OSBPL5: variants seen among roughly 807,000 people sequenced by gnomAD.
OSBPL5 encodes oxysterol binding protein like 5.
In OSBPL5, 71 loss-of-function variants were observed where a neutral mutation model predicts 111.2. That is an observed-to-expected ratio of 0.64 (90% CI 0.53 to 0.78). OSBPL5 has a LOEUF of 0.78. OSBPL5 is among the 30% of genes least tolerant of loss of function. OSBPL5 has a pLI of 0.00. For synonymous variants in OSBPL5, 549 were observed against 513.9 expected, an observed-to-expected ratio of 1.07 and a Z score of -0.93; for missense variants, 1,210 against 1,189.3, an observed-to-expected ratio of 1.02 and a Z score of -0.26.
In OSBPL5 at chr11:3,128,993, T is replaced by G; in HGVS notation, c.136+20A>C. The G allele has an allele frequency of 6.6e-7, 1 of 1,511,002 alleles. No individual in the cohort carries two copies. Among genetic ancestry groups the G allele is most frequent in the Non-Finnish European group, 8.9e-7 (1 of 1,129,222 alleles). The allele number at this position is 1,511,002 out of a possible 1,614,324, so 93.6% of individuals were successfully genotyped here. ...GCCCAAGCTGAGGGCCAGGTTGCCC[T>G]GCCCACGGCCGGCACTTACCTGGGC... On this transcript the variant is annotated intron_variant, in intron 2 of 21. Transcript: ENST00000263650.
At chr11:3,131,537 ATC>A (rs1858835710) in intron 1 of OSBPL5, among the ~76,000 whole-genome samples, 1 of 138,606 alleles carries the variant, frequency 7.2e-6, no homozygotes, top group Non-Finnish European at 1.6e-5. Context: ...TCATCCATCC[ATC>A]CATCCATCCA....
intron 10 of OSBPL5, among the ~76,000 whole-genome samples, chr11:3,103,874 GCCTCTGTAGCCCCATTCCTGCCTC>G (rs1857596408): frequency 2.1e-5 from 1 of 48,568 alleles, no homozygotes; most frequent in Admixed American, 2.5e-4. Flanking sequence ...CCCCCTTCCT[GCCTCTGTAGCCCCATTCCTGCCTC>G]TGCAGCCCCC....
At chr11:3,090,803 C>T (rs1475066172) in intron 19 of OSBPL5, 107 bp from the exon 20 acceptor site, 19 of 1,408,220 alleles carry the variant, frequency 1.3e-5, no homozygotes, top group Non-Finnish European at 1.6e-5. Flanking sequence ...AGGTGGCAGC[C>T]AGCAGGGAGG....
rs529670039 is a variant in OSBPL5, at chr11:3,102,202, G to T, written c.1406C>A (p.Thr469Lys). Reference protein sequence around the residue: ...CWFHPQTDSRTFYIAEQVSHH... With the variant: ...CWFHPQTDSRKFYIAEQVSHH... ...TCTTGCCTGCTCTGCTATGTAGAAT[G>T]TGCGGCTGTCAGTCTGCGGGTGGAA... The change falls in exon 12 of 22, where the codon ACA becomes AAA. Residue 469 changes from threonine to lysine, a missense_variant. Physicochemically the swap from Thr to Lys is moderately conservative, Grantham distance 78. Coordinates refer to ENST00000263650, the MANE Select transcript of OSBPL5 (RefSeq NM_020896.4). The T allele has an allele frequency of 6.2e-7, 1 of 1,606,756 alleles. No individual in the cohort carries two copies. Among genetic ancestry groups the T allele is most frequent in the East Asian group, 2.2e-5 (1 of 44,584 alleles).
At chr11:3,134,739 C>T (rs1317869343) in intron 1 of OSBPL5, among the ~76,000 whole-genome samples, 1 of 152,060 alleles carries the variant, frequency 6.6e-6, no homozygotes, top group Non-Finnish European at 1.5e-5. Flanking sequence ...GCCGGGGAGC[C>T]CACAGGGGCT....
intron 12 of OSBPL5, 53 bp from the exon 13 acceptor site, chr11:3,101,752 G>A: frequency 6.8e-7 from 1 of 1,467,180 alleles, no homozygotes; most frequent in South Asian, 1.1e-5. Context: ...GTAATCCCAG[G>A]AAGCGAGAGC....
rs980191842 is a variant in OSBPL5 at position 3,107,980 on chromosome 11, C to A, written c.692-35G>T. On this transcript the variant is annotated intron_variant, in intron 7 of 21. Transcript: ENST00000263650. The surrounding 1 kb of genome is among the most constrained non-coding windows in gnomAD (Gnocchi z 6.1). ...ACACGGGATGAGCATGCCCCACCCC[C>A]ACCTCTGTATATCCCGCATCCCCCA... The A allele has an allele frequency of 3.6e-6, 4 of 1,101,004 alleles. No homozygotes were observed. In the East Asian group the frequency reaches 6.8e-5, roughly 19 times the overall value. The allele number at this position is 1,101,004 out of a possible 1,614,324, so 68.2% of individuals were successfully genotyped here. A position where few individuals can be genotyped will look rare whatever the true frequency, so the allele number is the denominator to read the frequency against.
intron 7 of OSBPL5, among the ~76,000 whole-genome samples, chr11:3,112,084 T>TGTGTGTGTGC (rs1554898337): frequency 8.1e-6 from 1 of 123,452 alleles, no homozygotes; most frequent in South Asian, 3.0e-4. Context: ...CATGTGTGTG[T>TGTGTGTGTGC]GCATGTGTGT....
Position 3,088,158 on chromosome 11 carries a change from TG to T in OSBPL5, c.*46del. 1 of 1,485,806 alleles carries T rather than the reference TG, an allele frequency of 6.7e-7. No individual in the cohort carries two copies. Among genetic ancestry groups the T allele is most frequent in the Non-Finnish European group, 9.0e-7 (1 of 1,111,354 alleles). 92.0% of individuals were successfully genotyped at this position (1,485,806 alleles called of 1,614,324 possible). On this transcript the variant is annotated 3_prime_UTR_variant, in exon 22 of 22. Transcript: ENST00000263650. The stretch of plus-strand genomic sequence containing the variant: ...GAGCAGGCTTAAAGTGCTGGGTGCC[TG>T]GGAGGGAGGGCTCAGGACCGGCCAG...
In OSBPL5 at chr11:3,088,117, C is replaced by T; in HGVS notation, c.*88G>A. 3 of 1,275,462 alleles carry T rather than the reference C, an allele frequency of 2.4e-6. No homozygotes were observed. Among genetic ancestry groups the T allele is most frequent in the Non-Finnish European group, 3.1e-6 (3 of 960,476 alleles). 79.0% of individuals were successfully genotyped at this position (1,275,462 alleles called of 1,614,324 possible). A position where few individuals can be genotyped will look rare whatever the true frequency, so the allele number is the denominator to read the frequency against. The stretch of plus-strand genomic sequence containing the variant: ...CGTCACAGTGGCTGTGCTTGCCGGG[C>T]CTCTCTGCCTCCATGGAGCAGGCTT... On this transcript the variant is annotated 3_prime_UTR_variant, in exon 22 of 22. Transcript: ENST00000263650.
chr11:3,147,171 G>T (rs1371366100), intron 1 of OSBPL5, among the ~76,000 whole-genome samples: 1 of 152,260 alleles, frequency 6.6e-6, no homozygotes, highest in Non-Finnish European at 1.5e-5. Context: ...CCTCTGTGAG[G>T]CCTGAGTGCT....
chr11:3,101,074 A>T (rs1370953659), intron 13 of OSBPL5, among the ~76,000 whole-genome samples: 1 of 150,170 alleles, frequency 6.7e-6, no homozygotes, highest in Non-Finnish European at 1.5e-5. Flanking sequence ...TCCCGGGTTC[A>T]AGCGATTCTC....
In OSBPL5 at chr11:3,122,199, G is replaced by GAGAGGAAGTA; in HGVS notation, c.301-111_301-102dup. 9 of 1,372,520 alleles carry GAGAGGAAGTA rather than the reference G, an allele frequency of 6.6e-6. No homozygotes were observed. In the South Asian group the frequency reaches 7.6e-5, roughly 12 times the overall value. 85.0% of individuals were successfully genotyped at this position (1,372,520 alleles called of 1,614,324 possible). On this transcript the variant is annotated intron_variant, in intron 4 of 21. Transcript: ENST00000263650. Reference sequence around the variant, plus strand: ...GGGATGGGTCCAGGGGCAGGGGCAGGAGAGGAAGTAGGAGGAAGTAGGGGG... The same window carrying GAGAGGAAGTA: ...GGGATGGGTCCAGGGGCAGGGGCAGGAGAGGAAGTAAGAGGAAGTAGGAGGAAGTAGGGGG...
chr11:3,150,300 GCTT>G (rs1846537023), intron 1 of OSBPL5, among the ~76,000 whole-genome samples: 2 of 152,042 alleles, frequency 1.3e-5, no homozygotes, highest in African/African-American at 4.8e-5. Flanking sequence ...TTTAAAGACA[GCTT>G]TTTTTAAAAA....
rs1856936766 is a variant in OSBPL5, at chr11:3,088,205, C to T, written c.2640G>A (p.Ter880=). ...GCCAGGAGCTCTGCCCTCAGGGCTC[C>T]TATTTGAGGATGTGGTTAATGAACA... ...CQLFINHILK[*] Residue 880 remains the stop codon, a stop_retained_variant, in exon 22 of 22, where the codon TAG becomes TAA. Transcript: ENST00000263650. The T allele has an allele frequency of 1.3e-6, 2 of 1,582,706 alleles. No homozygotes were observed. The highest frequency in any genetic ancestry group is 1.2e-5 in the South Asian group (1 of 86,536).
At position 3,104,521 on chromosome 11, in the gene OSBPL5, A is replaced by C. The variant is rs1040912993; in HGVS notation, c.1060-144T>G. 1 of 809,210 alleles carries C rather than the reference A, an allele frequency of 1.2e-6. No individual in the cohort carries two copies. The highest frequency in any genetic ancestry group is 3.0e-5 in the Admixed American group (1 of 33,332). 50.1% of individuals were successfully genotyped at this position (809,210 alleles called of 1,614,324 possible). A position where few individuals can be genotyped will look rare whatever the true frequency, so the allele number is the denominator to read the frequency against. ...CTGACCTGGCCTCCATGGCCTCATGAGGCTGACTCAGCCCCATCAGATGTG... is the reference window on the plus strand; with the variant it reads ...CTGACCTGGCCTCCATGGCCTCATGCGGCTGACTCAGCCCCATCAGATGTG... On this transcript the variant is annotated intron_variant, in intron 9 of 21. Coordinates refer to ENST00000263650, the MANE Select transcript of OSBPL5 (RefSeq NM_020896.4). This position sits in a 1 kb window ranked among gnomAD's most constrained non-coding sequence, Gnocchi z 5.0.
chr11:3,094,276 C>A lies in OSBPL5; in HGVS notation c.1680G>T (p.Ala560=). The A allele has an allele frequency of 6.2e-7, 1 of 1,613,666 alleles. No individual in the cohort carries two copies. The highest frequency in any genetic ancestry group is 8.5e-7 in the Non-Finnish European group (1 of 1,179,998). ...CCAGCTGGGCCTGGAAGTTGTTCTT[C>A]GCACACTCGATGGTGACCTTCCCAC... is the stretch of plus-strand genomic sequence containing the variant. The part of the protein sequence containing the change: ...ELGGKVTIEC[A]KNNFQAQLEF... Residue 560 remains alanine (A), a synonymous_variant, in exon 15 of 22, where the codon GCG becomes GCT. Coordinates refer to ENST00000263650, the MANE Select transcript of OSBPL5 (RefSeq NM_020896.4).
intron 7 of OSBPL5, among the ~76,000 whole-genome samples, chr11:3,115,855 A>G (rs1858189505): frequency 6.7e-6 from 1 of 148,818 alleles, no homozygotes; most frequent in Admixed American, 6.8e-5. Context: ...TCCTGTCTCA[A>G]AGAATGAAGG....
In OSBPL5 at chr11:3,104,581, A is replaced by G. The variant is rs879402268; in HGVS notation, c.1060-204T>C. On this transcript the variant is annotated intron_variant, in intron 9 of 21. Coordinates refer to ENST00000263650, the MANE Select transcript of OSBPL5 (RefSeq NM_020896.4). This position sits in a 1 kb window ranked among gnomAD's most constrained non-coding sequence, Gnocchi z 5.0. ...CAATGCGTCTCCACCCCACCCCTGG[A>G]GCACCCGCAGCCCAGGTCCAGGCCC... 3.3e-5 allele frequency among the ~76,000 whole-genome samples: 5 copies of G among 152,098 alleles called. No homozygotes were observed. The highest frequency in any genetic ancestry group is 4.8e-5 in the African/African-American group (2 of 41,414).
Sources: allele counts gnomAD v4.1 joint callset (sites outside exome capture counted in the v4.1 genomes callset), GRCh38; gene constraint gnomAD v4.1.1; non-coding constraint Gnocchi (gnomAD v3.1); transcripts MANE v1.5; gene names NCBI Gene and HGNC (gene_info 2026-07-23, HGNC 2026-07-21).